RANBP2: variants seen among roughly 807,000 people sequenced by gnomAD.
The protein encoded by RANBP2 is E3 SUMO-protein ligase RanBP2.
A neutral mutation model predicts 303.6 loss-of-function variants in RANBP2; 57 were observed. That is an observed-to-expected ratio of 0.19 (90% CI 0.15 to 0.23). The LOEUF (loss-of-function observed/expected upper bound fraction) is 0.23, where lower values mean the gene tolerates loss of function less well. Ranked by LOEUF, RANBP2 falls within the 10% of genes least tolerant of loss-of-function variation. RANBP2 has a pLI of 1.00. For missense variants in RANBP2, 3,138 were observed against 3,780.8 expected, an observed-to-expected ratio of 0.83 and a Z score of 4.46; for synonymous variants, 1,167 against 1,301.5, an observed-to-expected ratio of 0.90 and a Z score of 2.23.
At chr2:109,158,507 C>A in the RANBP2 span, among the ~76,000 whole-genome samples, 7 of 152,226 alleles carry the variant, frequency 4.6e-5, no homozygotes, top group East Asian at 1.2e-3. Context: ...CTGAAAGATG[C>A]CTTGGCTGGG....
chr2:109,623,224 C>T, the RANBP2 span, among the ~76,000 whole-genome samples: 1 of 152,156 alleles, frequency 6.6e-6, no homozygotes, highest in Non-Finnish European at 1.5e-5. Context: ...ACAAAGGGTG[C>T]TATTTTCCCT....
At chr2:109,328,703 G>A in the RANBP2 span, among the ~76,000 whole-genome samples, 1 of 152,110 alleles carries the variant, frequency 6.6e-6, no homozygotes, top group Non-Finnish European at 1.5e-5. Flanking sequence ...GTATGCTCCT[G>A]GTCATCACTG....
the RANBP2 span, among the ~76,000 whole-genome samples, chr2:109,142,045 G>GT: frequency 6.8e-6 from 1 of 147,582 alleles, no homozygotes; most frequent in Non-Finnish European, 1.5e-5. Context: ...GAGTCTCCTG[G>GT]GGGGGGGGTC....
chr2:109,629,341 ATATATATATATATATTTT>A, the RANBP2 span, among the ~76,000 whole-genome samples: 58 of 8,216 alleles, frequency 7.1e-3, 2 homozygotes, highest in South Asian at 0.021. Flanking sequence ...ATATATATAT[ATATATATATATATATTTT>A]TTTTTTTTTT....
the RANBP2 span, among the ~76,000 whole-genome samples, chr2:109,317,873 C>T: frequency 1.3e-5 from 2 of 150,462 alleles, no homozygotes; most frequent in African/African-American, 4.8e-5. Flanking sequence ...AACTGGAGTC[C>T]CAGCCAAGAG....
chr2:109,249,588 CCTTT>C, the RANBP2 span, among the ~76,000 whole-genome samples: 3 of 134,512 alleles, frequency 2.2e-5, no homozygotes, highest in African/African-American at 6.1e-5. Context: ...TCCTTCCTTT[CCTTT>C]CTTTCTTTTT....
At chr2:109,227,855 G>A in the RANBP2 span, among the ~76,000 whole-genome samples, 5 of 152,182 alleles carry the variant, frequency 3.3e-5, no homozygotes, top group Non-Finnish European at 5.9e-5. Flanking sequence ...CCCTTCGGTC[G>A]CTCCGCCTTT....
At chr2:109,348,995 G>A in the RANBP2 span, among the ~76,000 whole-genome samples, 1 of 152,020 alleles carries the variant, frequency 6.6e-6, no homozygotes, top group Non-Finnish European at 1.5e-5. Flanking sequence ...GTTCTGTCTT[G>A]CCTGTGTCTC....
At chr2:109,547,010 G>A in the RANBP2 span, among the ~76,000 whole-genome samples, 35 of 152,286 alleles carry the variant, frequency 2.3e-4, no homozygotes, top group African/African-American at 7.2e-4. Context: ...CCCTTTAGGC[G>A]CCTAAAGGCA....
the RANBP2 span, among the ~76,000 whole-genome samples, chr2:109,480,840 C>T: frequency 3.3e-5 from 5 of 152,076 alleles, no homozygotes; most frequent in Non-Finnish European, 5.9e-5. Flanking sequence ...GAGGGCGGTT[C>T]GCTGTTCTCT....
the RANBP2 span, among the ~76,000 whole-genome samples, chr2:109,470,580 A>G: frequency 6.6e-6 from 1 of 152,222 alleles, no homozygotes; most frequent in African/African-American, 2.4e-5. Context: ...TGCAGAGCTG[A>G]ACAAGGCAGT....
chr2:109,188,053 A>G, the RANBP2 span, among the ~76,000 whole-genome samples: 6 of 152,094 alleles, frequency 3.9e-5, no homozygotes, highest in African/African-American at 1.4e-4. Context: ...CTTGCAGCCC[A>G]CCCCGTGAGC....
the RANBP2 span, chr2:109,617,387 C>T: frequency 6.0e-6 from 1 of 166,952 alleles, no homozygotes; most frequent in Admixed American, 6.6e-5. Context: ...ATTAAGTACT[C>T]GTTTAAGTAT....
chr2:109,288,547 T>C, the RANBP2 span, among the ~76,000 whole-genome samples: 12,734 of 152,324 alleles, frequency 0.084, 1,512 homozygotes, highest in African/African-American at 0.26. Flanking sequence ...TTTGTCATGT[T>C]GGTCTGGAGT....
At chr2:109,394,345 C>A in the RANBP2 span, among the ~76,000 whole-genome samples, 4 of 152,112 alleles carry the variant, frequency 2.6e-5, no homozygotes, top group African/African-American at 7.2e-5. Flanking sequence ...CTGGCCCAAC[C>A]TTTACTGTCC....
the RANBP2 span, among the ~76,000 whole-genome samples, chr2:109,003,847 T>C: frequency 6.6e-6 from 1 of 152,180 alleles, no homozygotes; most frequent in Non-Finnish European, 1.5e-5. Context: ...GGGTGTGAGA[T>C]ATTATATGAA....
the RANBP2 span, chr2:108,923,433 C>G: frequency 6.2e-7 from 1 of 1,614,204 alleles, no homozygotes; most frequent in Non-Finnish European, 8.5e-7. Context: ...GTTCCTCGGT[C>G]TGTTCTCCAG....
chr2:108,750,421 G>A (rs1009111658), intron 9 of RANBP2, among the ~76,000 whole-genome samples: 1 of 152,166 alleles, frequency 6.6e-6, no homozygotes, highest in Admixed American at 6.5e-5. Flanking sequence ...AACAAAAAGT[G>A]TCTTCATTGC....
At chr2:109,228,740 G>C in the RANBP2 span, among the ~76,000 whole-genome samples, 1 of 152,164 alleles carries the variant, frequency 6.6e-6, no homozygotes, top group African/African-American at 2.4e-5. Context: ...AGGTCTGGAA[G>C]GGTCCTGAGC....
Sources: allele counts gnomAD v4.1 joint callset (sites outside exome capture counted in the v4.1 genomes callset), GRCh38; gene constraint gnomAD v4.1.1; transcripts MANE v1.5; gene names NCBI Gene and HGNC (gene_info 2026-07-23, HGNC 2026-07-21).